Variants in DLG4 observed in about 807,000 individuals in gnomAD.
DLG4 encodes discs large MAGUK scaffold protein 4.
In DLG4, 7 loss-of-function variants were observed where a neutral mutation model predicts 93.8. The ratio of observed to expected loss-of-function variants is 0.07; its 90% CI spans 0.04 to 0.14. The LOEUF (loss-of-function observed/expected upper bound fraction) is 0.14. Ranked by LOEUF, DLG4 falls within the 10% of genes least tolerant of loss-of-function variation. The pLI, the probability that DLG4 is intolerant of heterozygous loss-of-function variation, is 1.00. For synonymous variants in DLG4, 341 were observed against 387.6 expected (o/e 0.88, Z 1.41); for missense variants, 545 against 992.9 (o/e 0.55, Z 6.06).
chr17:7,203,093 AAG>A lies in DLG4; in HGVS notation c.643-48_643-47del. ...GCTCAGACAAAGCCACAAATGGCCC[AAG>A]ACAGAAGCACTGGGGTGAAGTGATG... is the stretch of plus-strand genomic sequence containing the variant. On this transcript the variant is annotated intron_variant, in intron 7 of 19. Coordinates refer to ENST00000399506, the MANE Select transcript of DLG4 (RefSeq NM_001321075.3). This position sits in a 1 kb window ranked among gnomAD's most constrained non-coding sequence, Gnocchi z 7.2. The A allele has an allele frequency of 6.3e-7, 1 of 1,583,758 alleles. No individual in the cohort carries two copies. Among genetic ancestry groups the A allele is most frequent in the Non-Finnish European group, 8.6e-7 (1 of 1,158,212 alleles).
In DLG4 at chr17:7,194,616, G is replaced by A. The variant is rs1014685267; in HGVS notation, c.1302-121C>T. Reference sequence around the variant, plus strand: ...CACTCCCATGGGAGCTATGGATGCCGAGGAACCCAAAACTGTGTGGGGACC... The same window carrying A: ...CACTCCCATGGGAGCTATGGATGCCAAGGAACCCAAAACTGTGTGGGGACC... On this transcript the variant is annotated intron_variant, in intron 11 of 19. Transcript: ENST00000399506. This position sits in a 1 kb window ranked among gnomAD's most constrained non-coding sequence, Gnocchi z 4.4. The A allele has an allele frequency of 6.3e-5, 68 of 1,074,842 alleles. No homozygotes were observed. Among genetic ancestry groups the A allele is most frequent in the Admixed American group, 1.1e-4 (4 of 37,752 alleles). 66.6% of individuals were successfully genotyped at this position (1,074,842 alleles called of 1,614,324 possible).
chr17:7,200,856 G>GTTTTTTT (rs1243920377), intron 8 of DLG4, among the ~76,000 whole-genome samples: 4 of 94,662 alleles, frequency 4.2e-5, no homozygotes, highest in Non-Finnish European at 6.3e-5. Context: ...GCCTGTTTTG[G>GTTTTTTT]TTTTTTTTTT....
At chr17:7,219,510 C>T (rs2071082669), upstream of DLG4, 4 of 1,068,468 alleles carry the variant, frequency 3.7e-6, no homozygotes, top group South Asian at 2.8e-5. Context: ...CCACTGTACC[C>T]TCCCTTTTGT....
At chr17:7,211,678 C>T (rs2070711837) in intron 1 of DLG4, 2 of 977,740 alleles carry the variant, frequency 2.0e-6, no homozygotes, top group Admixed American at 6.6e-5. Flanking sequence ...CACATGGAGG[C>T]GAATCTGTTC....
chr17:7,212,805 C>T (rs1363223757), intron 1 of DLG4, among the ~76,000 whole-genome samples: 1 of 152,052 alleles, frequency 6.6e-6, no homozygotes, highest in Non-Finnish European at 1.5e-5. Flanking sequence ...GAGGCCGAGG[C>T]GGTTGGATCA....
chr17:7,191,455 A>T lies in DLG4; in HGVS notation c.1977-97T>A. ...GAATGTTAAGTATTCTTCTATTTGG[A>T]GCACATAGCAAAAAAAAAAATACAA... On this transcript the variant is annotated intron_variant, in intron 18 of 19. Transcript: ENST00000399506. The surrounding 1 kb of genome is among the most constrained non-coding windows in gnomAD (Gnocchi z 6.6). 1.0e-6 allele frequency: 1 copy of T among 955,890 alleles called. No homozygotes were observed. The highest frequency in any genetic ancestry group is 1.6e-6 in the Non-Finnish European group (1 of 614,108). 59.2% of individuals were successfully genotyped at this position (955,890 alleles called of 1,614,324 possible). A position where few individuals can be genotyped will look rare whatever the true frequency, so the allele number is the denominator to read the frequency against.
chr17:7,197,087 A>AG (rs754965617), intron 8 of DLG4, 35 bp from the exon 9 acceptor site: 2 of 1,556,482 alleles, frequency 1.3e-6, no homozygotes, highest in Non-Finnish European at 1.7e-6. Context: ...AAGTGCCTGG[A>AG]GGGAAACAGC....
upstream of DLG4, chr17:7,219,948 C>T: frequency 3.3e-6 from 3 of 915,532 alleles, no homozygotes; most frequent in South Asian, 1.6e-5. Flanking sequence ...AGAGCTGGGT[C>T]AGAGCTCGAG....
intron 2 of DLG4, chr17:7,205,307 G>A (rs929423833): frequency 2.1e-6 from 1 of 486,474 alleles, no homozygotes. Flanking sequence ...CTGGTCTCTA[G>A]ACTCCCAGGC....
chr17:7,196,653 C>G lies in DLG4; in HGVS notation c.1084-78G>C, dbSNP rs2069803217. The G allele has an allele frequency of 6.9e-6, 11 of 1,594,160 alleles. No individual in the cohort carries two copies. In the South Asian group the frequency reaches 1.1e-4, roughly 16 times the overall value. ...GGTCCAGGTGGAGCAGGGAGTGGTC[C>G]CGCAAGAGGACTCGGCTGCAGCCCA... is the stretch of plus-strand genomic sequence containing the variant. On this transcript the variant is annotated intron_variant, in intron 9 of 19. Transcript: ENST00000399506. The surrounding 1 kb of genome is among the most constrained non-coding windows in gnomAD (Gnocchi z 8.3).
chr17:7,202,329 G>T (rs1219213108), intron 8 of DLG4, among the ~76,000 whole-genome samples: 1 of 152,114 alleles, frequency 6.6e-6, no homozygotes, highest in African/African-American at 2.4e-5. Context: ...CCTCCCAAGT[G>T]CTGGGATTAC....
At position 7,189,038 on chromosome 17, in the gene DLG4, G is replaced by C. The variant is rs1229034524; in HGVS notation, c.*1670C>G. ...GAGGCAGGAGAACCGTGTGAACCCA[G>C]CAGGCAGAGGTTGCAGTGAGCCAAG... On this transcript the variant is annotated 3_prime_UTR_variant, in exon 20 of 20. Coordinates refer to ENST00000399506, the MANE Select transcript of DLG4 (RefSeq NM_001321075.3). 6.8e-6 allele frequency among the ~76,000 whole-genome samples: 1 copy of C among 148,046 alleles called. No homozygotes were observed. Among genetic ancestry groups the C allele is most frequent in the Non-Finnish European group, 1.5e-5 (1 of 67,368 alleles).
At position 7,193,735 on chromosome 17, in the gene DLG4, T is replaced by C; in HGVS notation, c.1544-21A>G. On this transcript the variant is annotated intron_variant, in intron 14 of 19. Coordinates refer to ENST00000399506, the MANE Select transcript of DLG4 (RefSeq NM_001321075.3). The surrounding 1 kb of genome is among the most constrained non-coding windows in gnomAD (Gnocchi z 6.7). ...TCGACCTGGTGGGAGGTGGGGCATC[T>C]GCAAGGGGCTCTGAAACAGGGGACC... 6.2e-7 allele frequency: 1 copy of C among 1,600,650 alleles called. No homozygotes were observed. Among genetic ancestry groups the C allele is most frequent in the Admixed American group, 1.7e-5 (1 of 58,556 alleles).
At chr17:7,199,979 C>CA (rs758701276) in intron 8 of DLG4, among the ~76,000 whole-genome samples, 572 of 53,434 alleles carry the variant, frequency 0.011, 6 homozygotes, top group African/African-American at 0.025. Context: ...GACTCCGTCT[C>CA]AAAAAAAAAA....
upstream of DLG4, chr17:7,219,851 C>A (rs1401287183): frequency 6.5e-7 from 1 of 1,538,836 alleles, no homozygotes; most frequent in Admixed American, 2.0e-5. Flanking sequence ...CCCAGCATGC[C>A]CCGGGGCCCG....
chr17:7,217,917 G>T, upstream of DLG4: 1 of 1,193,558 alleles, frequency 8.4e-7, no homozygotes, highest in Non-Finnish European at 1.2e-6. Flanking sequence ...CAGGCGGTAG[G>T]GGGTCGGGTG....
chr17:7,191,609 G>A lies in DLG4; in HGVS notation c.1977-251C>T. ...TTCATCCTTCCAGCCTTCAGCCCCA[G>A]AGATGGGATTCGGACTCCAATTCCC... On this transcript the variant is annotated intron_variant, in intron 18 of 19. Coordinates refer to ENST00000399506, the MANE Select transcript of DLG4 (RefSeq NM_001321075.3). The surrounding 1 kb of genome is among the most constrained non-coding windows in gnomAD (Gnocchi z 6.6). 3 of 594,786 alleles carry A rather than the reference G, an allele frequency of 5.0e-6. No individual in the cohort carries two copies. The highest frequency in any genetic ancestry group is 9.0e-6 in the Non-Finnish European group (3 of 334,204). 36.8% of individuals were successfully genotyped at this position (594,786 alleles called of 1,614,324 possible). A position where few individuals can be genotyped will look rare whatever the true frequency, so the allele number is the denominator to read the frequency against.
At position 7,187,261 on chromosome 17, in the gene DLG4, CA is replaced by C. The variant is rs34616591; in HGVS notation, c.*3446del. Among the ~76,000 whole-genome samples, 41,840 of 135,948 alleles carry C rather than the reference CA, an allele frequency of 0.31. 8,226 individuals carry two copies. The highest frequency in any genetic ancestry group is 0.45 in the Non-Finnish European group (29,228 of 65,434). 89.2% of individuals were successfully genotyped at this position (135,948 alleles called of 152,430 possible). A position where few individuals can be genotyped will look rare whatever the true frequency, so the allele number is the denominator to read the frequency against. ...AATTTACAAAATAATGCATGCAGGC[CA>C]GGCGCGGTGGCTCATGCCTGTAATC... On this transcript the variant is annotated 3_prime_UTR_variant, in exon 20 of 20. Coordinates refer to ENST00000399506, the MANE Select transcript of DLG4 (RefSeq NM_001321075.3).
rs766257340 is a variant in DLG4, at chr17:7,196,368, C to T, written c.1187-34G>A. ...GGACAGGGAGGTTTCTGAGCTCTGT[C>T]CCCATCCTACTGTCACCCCTGTCCT... On this transcript the variant is annotated intron_variant, in intron 10 of 19. Transcript: ENST00000399506. The surrounding 1 kb of genome is among the most constrained non-coding windows in gnomAD (Gnocchi z 8.3). 22 of 1,611,370 alleles carry T rather than the reference C, an allele frequency of 1.4e-5. No homozygotes were observed. The African/African-American group carries it at 2.7e-4, about 20-fold the overall frequency.
Sources: gnomAD v4.1 joint callset for allele counts (sites outside exome capture counted in the v4.1 genomes callset) on GRCh38, gnomAD v4.1.1 for gene constraint, Gnocchi (gnomAD v3.1) non-coding constraint, MANE v1.5 for transcripts, NCBI Gene and HGNC (gene_info 2026-07-23, HGNC 2026-07-21) for gene names.